Variants in FBXW7 observed in about 807,000 individuals in gnomAD.
The protein encoded by FBXW7 is F-box and WD repeat domain containing 7, also known as F-box/WD repeat-containing protein 7.
FBXW7 carries 11 observed loss-of-function variants against 86.3 expected under a neutral mutation model. The ratio of observed to expected loss-of-function variants is 0.13; its 90% CI spans 0.08 to 0.21. The LOEUF (loss-of-function observed/expected upper bound fraction) is 0.21, where lower values mean the gene tolerates loss of function less well. FBXW7 is among the 10% of genes least tolerant of loss of function. The pLI is 1.00. For synonymous variants in FBXW7, 313 were observed against 297.9 expected (o/e 1.05, Z -0.52); for missense variants, 488 against 847.4 (o/e 0.58, Z 5.27).
intron 2 of FBXW7, among the ~76,000 whole-genome samples, chr4:152,440,118 T>C (rs1013466529): frequency 1.5e-4 from 23 of 152,312 alleles, no homozygotes; most frequent in African/African-American, 5.3e-4. Flanking sequence ...AAATACAGAC[T>C]GTAATAGCAT....
At chr4:152,475,072 T>A (rs1164183386) in intron 2 of FBXW7, among the ~76,000 whole-genome samples, 1 of 151,500 alleles carries the variant, frequency 6.6e-6, no homozygotes, top group Non-Finnish European at 1.5e-5. Context: ...CTGCACTCCA[T>A]CCTGGCTGAC....
chr4:152,407,695 C>T (rs965300435), intron 4 of FBXW7, among the ~76,000 whole-genome samples: 1 of 152,144 alleles, frequency 6.6e-6, no homozygotes, highest in South Asian at 2.1e-4. Flanking sequence ...CCTCTAAACT[C>T]CAATACACTA....
intron 2 of FBXW7, among the ~76,000 whole-genome samples, chr4:152,519,867 G>A: frequency 6.6e-6 from 1 of 152,144 alleles, no homozygotes; most frequent in Non-Finnish European, 1.5e-5. Flanking sequence ...TTGAATCCCA[G>A]TTCTGCAAGT....
At chr4:152,430,443 T>A (rs937005696) in intron 2 of FBXW7, among the ~76,000 whole-genome samples, 8 of 152,140 alleles carry the variant, frequency 5.3e-5, no homozygotes, top group Non-Finnish European at 8.8e-5. Flanking sequence ...GTTTACTGAT[T>A]TATCCACTAT....
intron 6 of FBXW7, among the ~76,000 whole-genome samples, chr4:152,338,885 G>A (rs572770290): frequency 6.6e-6 from 1 of 152,238 alleles, no homozygotes; most frequent in African/African-American, 2.4e-5. Flanking sequence ...AGAAGTGGGT[G>A]AATAGAGAAT....
intron 4 of FBXW7, among the ~76,000 whole-genome samples, chr4:152,400,368 G>A (rs1459617060): frequency 6.6e-6 from 1 of 152,046 alleles, no homozygotes; most frequent in Non-Finnish European, 1.5e-5. Flanking sequence ...AATGGCCTTG[G>A]GTATAGACAT....
At chr4:152,357,232 T>C (rs1732470689) in intron 4 of FBXW7, among the ~76,000 whole-genome samples, 2 of 152,094 alleles carry the variant, frequency 1.3e-5, no homozygotes, top group Non-Finnish European at 2.9e-5. Flanking sequence ...ATATATATAA[T>C]CCAAACCTTT....
intron 8 of FBXW7, among the ~76,000 whole-genome samples, chr4:152,332,270 T>C (rs1409884488): frequency 6.6e-6 from 1 of 152,096 alleles, no homozygotes; most frequent in Non-Finnish European, 1.5e-5. Context: ...TCAATAAACA[T>C]TTATGAAAAG....
intron 2 of FBXW7, among the ~76,000 whole-genome samples, chr4:152,438,003 G>A (rs751757132): frequency 1.3e-5 from 2 of 151,016 alleles, no homozygotes; most frequent in African/African-American, 4.9e-5. Context: ...GGTGAAACCC[G>A]GTCTCTACTA....
intron 2 of FBXW7, among the ~76,000 whole-genome samples, chr4:152,484,664 T>C (rs1208878470): frequency 6.6e-6 from 1 of 152,182 alleles, no homozygotes; most frequent in African/African-American, 2.4e-5. Context: ...ACAACATTTA[T>C]GCAAAGGAAT....
chr4:152,342,948 C>CAA, intron 6 of FBXW7, among the ~76,000 whole-genome samples: 1 of 152,146 alleles, frequency 6.6e-6, no homozygotes, highest in African/African-American at 2.4e-5. Context: ...GTCCCAAATA[C>CAA]AATTTCAAAG....
intron 2 of FBXW7, among the ~76,000 whole-genome samples, chr4:152,506,712 A>G (rs966858913): frequency 5.9e-5 from 9 of 152,248 alleles, no homozygotes; most frequent in Non-Finnish European, 1.5e-5. Context: ...GAAACGTATT[A>G]TAGCAGTGTT....
chr4:152,481,597 T>C (rs1239302558), intron 2 of FBXW7, among the ~76,000 whole-genome samples: 2 of 152,220 alleles, frequency 1.3e-5, no homozygotes, highest in Admixed American at 6.5e-5. Context: ...GAAGGATTCA[T>C]CAATCTGGAC....
intron 2 of FBXW7, among the ~76,000 whole-genome samples, chr4:152,510,559 A>T (rs1285815449): frequency 6.6e-6 from 1 of 152,218 alleles, no homozygotes; most frequent in South Asian, 2.1e-4. Flanking sequence ...ATGAAACAGT[A>T]CCACAGATCT....
At chr4:152,452,667 T>G (rs1429534499) in intron 2 of FBXW7, among the ~76,000 whole-genome samples, 1 of 152,168 alleles carries the variant, frequency 6.6e-6, no homozygotes, top group Non-Finnish European at 1.5e-5. Flanking sequence ...AAGGGAAATG[T>G]GACATTATAT....
At chr4:152,336,537 A>ATT (rs1730137522) in intron 7 of FBXW7, among the ~76,000 whole-genome samples, 1 of 152,108 alleles carries the variant, frequency 6.6e-6, no homozygotes, top group African/African-American at 2.4e-5. Context: ...TCAAAGGTGA[A>ATT]TAAAATCACT....
chr4:152,364,798 T>G (rs1480770433), intron 4 of FBXW7, among the ~76,000 whole-genome samples: 1 of 152,172 alleles, frequency 6.6e-6, no homozygotes, highest in Non-Finnish European at 1.5e-5. Context: ...GAAACATATG[T>G]ATCTCTGTGA....
At chr4:152,348,731 AAC>A (rs2126643505) in intron 5 of FBXW7, 1 of 1,162,446 alleles carries the variant, frequency 8.6e-7, no homozygotes, top group African/African-American at 1.6e-5. Flanking sequence ...AAATAGCATT[AAC>A]AGTTAGTTTA....
intron 2 of FBXW7, among the ~76,000 whole-genome samples, chr4:152,503,718 A>G (rs1383097176): frequency 6.6e-6 from 1 of 151,942 alleles, no homozygotes; most frequent in Non-Finnish European, 1.5e-5. Flanking sequence ...AATTTCAGCT[A>G]GGTATTAAAC....
Sources: gnomAD v4.1 joint callset for allele counts (sites outside exome capture counted in the v4.1 genomes callset) on GRCh38, gnomAD v4.1.1 for gene constraint, MANE v1.5 for transcripts, NCBI Gene and HGNC (gene_info 2026-07-23, HGNC 2026-07-21) for gene names.